Variants in PDCD6IP observed in about 807,000 individuals in gnomAD.
PDCD6IP encodes the protein programmed cell death 6-interacting protein.
A neutral mutation model predicts 103.7 loss-of-function variants in PDCD6IP; 43 were observed. The observed-to-expected ratio is 0.41, with a 90% CI of 0.32 to 0.53. PDCD6IP has a LOEUF of 0.53. Among genes scored for constraint, PDCD6IP ranks in the 20% least tolerant of loss-of-function variants. PDCD6IP has a pLI of 0.16. For missense variants in PDCD6IP, 871 were observed against 1,036.7 expected, an observed-to-expected ratio of 0.84 and a Z score of 2.20; for synonymous variants, 354 against 378.7, an observed-to-expected ratio of 0.93 and a Z score of 0.76.
At position 33,869,381 on chromosome 3, in the gene PDCD6IP, A is replaced by G. The variant is rs1198260611; in HGVS notation, c.*2856A>G. 1 of 152,166 alleles carries G rather than the reference A, an allele frequency of 6.6e-6. No individual in the cohort carries two copies. Among genetic ancestry groups the G allele is most frequent in the African/African-American group, 2.4e-5 (1 of 41,438 alleles). 9.4% of individuals were successfully genotyped at this position (152,166 alleles called of 1,614,324 possible). A position where few individuals can be genotyped will look rare whatever the true frequency, so the allele number is the denominator to read the frequency against. On this transcript the variant is annotated 3_prime_UTR_variant, in exon 18 of 18. Transcript: ENST00000307296. ...TACAGAACAAGGTATAAAGGAAAAA[A>G]CCCTGCTAGGTAGTGTTATAATTGC...
chr3:33,828,676 A>G lies in PDCD6IP; in HGVS notation c.718-177A>G, dbSNP rs75421812. On this transcript the variant is annotated intron_variant, in intron 6 of 17. Transcript: ENST00000307296. Reference sequence around the variant, plus strand: ...AAAAAAATTTAATTCATAGATTTCAATCCACACAAAATCATGTCGTCTTCT... The same window carrying G: ...AAAAAAATTTAATTCATAGATTTCAGTCCACACAAAATCATGTCGTCTTCT... 9.4e-4 allele frequency: 441 copies of G among 467,954 alleles called. 2 individuals are homozygous for G. In the East Asian group the frequency reaches 0.011, roughly 12 times the overall value. 29.0% of individuals were successfully genotyped at this position (467,954 alleles called of 1,614,324 possible).
At chr3:33,847,085 A>C (rs1488690385) in intron 12 of PDCD6IP, among the ~76,000 whole-genome samples, 2 of 152,222 alleles carry the variant, frequency 1.3e-5, no homozygotes, top group Non-Finnish European at 2.9e-5. Context: ...ACGAACCTGA[A>C]GAAGAAACTG....
At chr3:33,838,426 T>C in intron 9 of PDCD6IP, 99 bp downstream of exon 9, 1 of 1,126,162 alleles carries the variant, frequency 8.9e-7, no homozygotes. Flanking sequence ...ATGTCAAGAG[T>C]ATATAAAATA....
At chr3:33,823,397 T>C (rs1238207388) in intron 4 of PDCD6IP, among the ~76,000 whole-genome samples, 2 of 152,198 alleles carry the variant, frequency 1.3e-5, no homozygotes, top group African/African-American at 4.8e-5. Flanking sequence ...ACGCTCCAAA[T>C]TGTGGCTTGC....
chr3:33,867,665 G>A lies in PDCD6IP; in HGVS notation c.*1140G>A, dbSNP rs1698095376. On this transcript the variant is annotated 3_prime_UTR_variant, in exon 18 of 18. Transcript: ENST00000307296. ...TCTGCCATTAGGATATCTACTCACTGTATAAACCTCAGTAAAAATAGTGAA... is the reference window on the plus strand; with the variant it reads ...TCTGCCATTAGGATATCTACTCACTATATAAACCTCAGTAAAAATAGTGAA... The A allele has an allele frequency of 6.6e-6, 1 of 152,138 alleles. No individual in the cohort carries two copies. Among genetic ancestry groups the A allele is most frequent in the Non-Finnish European group, 1.5e-5 (1 of 68,016 alleles). The allele number at this position is 152,138 out of a possible 1,614,324, so 9.4% of individuals were successfully genotyped here. A position where few individuals can be genotyped will look rare whatever the true frequency, so the allele number is the denominator to read the frequency against.
intron 1 of PDCD6IP, among the ~76,000 whole-genome samples, chr3:33,802,061 G>A (rs1468619800): frequency 6.6e-6 from 1 of 152,222 alleles, no homozygotes; most frequent in Non-Finnish European, 1.5e-5. Flanking sequence ...AAGTTGGCAG[G>A]TAGGTAGTTC....
chr3:33,834,455 A>G (rs1697305813), intron 7 of PDCD6IP, among the ~76,000 whole-genome samples: 1 of 152,232 alleles, frequency 6.6e-6, no homozygotes, highest in South Asian at 2.1e-4. Context: ...AAAGTGATTT[A>G]AATTTGTGCA....
At chr3:33,820,664 CT>C (rs1290026278) in intron 3 of PDCD6IP, among the ~76,000 whole-genome samples, 1 of 152,142 alleles carries the variant, frequency 6.6e-6, no homozygotes, top group East Asian at 1.9e-4. Flanking sequence ...CAATATTTGT[CT>C]TTTTGTGACT....
intron 1 of PDCD6IP, among the ~76,000 whole-genome samples, chr3:33,808,962 A>AT (rs1235361787): frequency 6.6e-6 from 1 of 152,062 alleles, no homozygotes. Flanking sequence ...TTGGCACTTG[A>AT]TTTTCCCTAG....
At chr3:33,864,971 C>T (rs1698031257) in intron 16 of PDCD6IP, among the ~76,000 whole-genome samples, 1 of 152,132 alleles carries the variant, frequency 6.6e-6, no homozygotes, top group Admixed American at 6.5e-5. Context: ...GTGCTGCTTC[C>T]TTCCACCTCA....
intron 15 of PDCD6IP, 161 bp downstream of exon 15, chr3:33,855,421 T>C: frequency 4.3e-6 from 2 of 466,514 alleles, no homozygotes; most frequent in Non-Finnish European, 7.8e-6. Flanking sequence ...AGTAAACAGC[T>C]GCATAATCTG....
At chr3:33,844,670 G>C (rs1697553143) in intron 11 of PDCD6IP, among the ~76,000 whole-genome samples, 1 of 151,882 alleles carries the variant, frequency 6.6e-6, no homozygotes, top group Admixed American at 6.6e-5. Flanking sequence ...TTGCAGAGAC[G>C]AGGTTTTACC....
At chr3:33,800,119 C>CAAAAAAAAAAAAAAAAAAA (rs1173163869) in intron 1 of PDCD6IP, among the ~76,000 whole-genome samples, 3 of 50,870 alleles carry the variant, frequency 5.9e-5, no homozygotes, top group South Asian at 6.8e-4. Context: ...GACTCCATCT[C>CAAAAAAAAAAAAAAAAAAA]AAAAAAAAAA....
intron 16 of PDCD6IP, among the ~76,000 whole-genome samples, chr3:33,864,483 A>AT (rs1217393936): frequency 6.6e-6 from 1 of 152,208 alleles, no homozygotes; most frequent in Non-Finnish European, 1.5e-5. Context: ...AATGTCATAG[A>AT]TTTTTTAAAA....
chr3:33,807,550 C>A (rs1454362496), intron 1 of PDCD6IP, among the ~76,000 whole-genome samples: 4 of 145,612 alleles, frequency 2.7e-5, no homozygotes. Flanking sequence ...ATCTCACCTA[C>A]GGCCCCCTGG....
intron 16 of PDCD6IP, 113 bp from the exon 17 acceptor site, chr3:33,865,130 A>C (rs1323261020): frequency 1.5e-6 from 1 of 659,510 alleles, no homozygotes; most frequent in Non-Finnish European, 2.4e-6. Context: ...TGGGAATTAA[A>C]AATATATTTG....
At chr3:33,833,160 TAAAAAATTAAG>T (rs1385370308) in intron 7 of PDCD6IP, among the ~76,000 whole-genome samples, 1 of 152,100 alleles carries the variant, frequency 6.6e-6, no homozygotes, top group Non-Finnish European at 1.5e-5. Context: ...AACAAAAATT[TAAAAAATTAAG>T]AAATTTTGCT....
At chr3:33,820,705 A>T (rs570619013) in intron 3 of PDCD6IP, among the ~76,000 whole-genome samples, 20 of 152,280 alleles carry the variant, frequency 1.3e-4, no homozygotes, top group African/African-American at 2.6e-4. Context: ...TGTCCTCAAG[A>T]TTCATCCGTG....
intron 6 of PDCD6IP, chr3:33,827,397 A>T (rs896010457): frequency 4.8e-6 from 1 of 210,310 alleles, no homozygotes; most frequent in South Asian, 1.7e-4. Context: ...ATCTTTGTAC[A>T]TTAAAAAATT....
Sources: gnomAD v4.1 joint callset for allele counts (sites outside exome capture counted in the v4.1 genomes callset) on GRCh38, gnomAD v4.1.1 for gene constraint, MANE v1.5 for transcripts, NCBI Gene and HGNC (gene_info 2026-07-23, HGNC 2026-07-21) for gene names.